Variants in GABRG2 observed in about 807,000 individuals in gnomAD.
GABRG2 encodes gamma-aminobutyric acid receptor subunit gamma-2.
GABRG2 carries 16 observed loss-of-function variants against 56.4 expected under a neutral mutation model. The observed-to-expected ratio is 0.28, with a 90% CI of 0.19 to 0.43. GABRG2 has a LOEUF of 0.43. GABRG2 is among the 20% of genes least tolerant of loss of function. The pLI is 1.00. For synonymous variants in GABRG2, 208 were observed against 205.5 expected, an observed-to-expected ratio of 1.01 and a Z score of -0.10; for missense variants, 327 against 582.7, an observed-to-expected ratio of 0.56 and a Z score of 4.52.
In GABRG2 at chr5:162,104,081, T is replaced by C. The variant is rs938404059; in HGVS notation, c.769+55T>C. 3.7e-5 allele frequency: 58 copies of C among 1,575,000 alleles called. No individual in the cohort carries two copies. The East Asian group carries it at 4.3e-4, about 12-fold the overall frequency. ...GACCCTTCCAGAGTTGAAATTTTGGTATATATGAATTAGAAGATTTTTCAA... is the reference window on the plus strand; with the variant it reads ...GACCCTTCCAGAGTTGAAATTTTGGCATATATGAATTAGAAGATTTTTCAA... On this transcript the variant is annotated intron_variant, in intron 6 of 9. Coordinates refer to ENST00000639213, the MANE Select transcript of GABRG2 (RefSeq NM_198904.4).
chr5:162,117,868 T>A (rs1162429991), intron 6 of GABRG2, among the ~76,000 whole-genome samples: 1 of 152,134 alleles, frequency 6.6e-6, no homozygotes, highest in Non-Finnish European at 1.5e-5. Context: ...GTGTTGGTAA[T>A]GATATGGTGA....
intron 6 of GABRG2, among the ~76,000 whole-genome samples, chr5:162,121,622 T>C (rs1762984515): frequency 6.6e-6 from 1 of 152,126 alleles, no homozygotes. Context: ...AGAAGGTTTC[T>C]CCTTTATAAG....
intron 6 of GABRG2, among the ~76,000 whole-genome samples, chr5:162,114,809 G>T (rs548177126): frequency 6.6e-6 from 1 of 152,242 alleles, no homozygotes; most frequent in African/African-American, 2.4e-5. Context: ...ATGGAAGATG[G>T]ATTTTGAATA....
intron 1 of GABRG2, among the ~76,000 whole-genome samples, chr5:162,072,405 T>A (rs1295827468): frequency 6.6e-6 from 1 of 152,016 alleles, no homozygotes; most frequent in African/African-American, 2.4e-5. Context: ...ATTAAGAAGA[T>A]TGAATTATAA....
At chr5:162,108,703 G>T (rs1762009640) in intron 6 of GABRG2, among the ~76,000 whole-genome samples, 1 of 152,050 alleles carries the variant, frequency 6.6e-6, no homozygotes, top group Non-Finnish European at 1.5e-5. Flanking sequence ...TATCAACAGG[G>T]TTGCTCCAAG....
At position 162,137,969 on chromosome 5, in the gene GABRG2, AGGCTGGTGTTGAACTCCTG is replaced by A. The variant is rs1228194188; in HGVS notation, c.770-4193_770-4175del. On this transcript the variant is annotated intron_variant, in intron 6 of 9. Transcript: ENST00000639213. ...GTGATAGATTTTCACTACGTTGCCC[AGGCTGGTGTTGAACTCCTG>A]GACTCAAGCAATCCATGTACCTTGT... Among the ~76,000 whole-genome samples, 3 of 150,828 alleles carry A rather than the reference AGGCTGGTGTTGAACTCCTG, an allele frequency of 2.0e-5. 1 individual carries two copies. The highest frequency in any genetic ancestry group is 6.6e-5 in the Admixed American group (1 of 15,080).
Position 162,128,010 on chromosome 5 carries a change from G to A in GABRG2, c.770-14154G>A, listed in dbSNP as rs561008324. On this transcript the variant is annotated intron_variant, in intron 6 of 9. Coordinates refer to ENST00000639213, the MANE Select transcript of GABRG2 (RefSeq NM_198904.4). ...TGGAAAGCAAGGCTTTGGTCACATG[G>A]GACAGAGAGTATCAAGAGACCATTT... 1.1e-3 allele frequency among the ~76,000 whole-genome samples: 169 copies of A among 152,014 alleles called. 1 individual carries two copies. Among genetic ancestry groups the A allele is most frequent in the African/African-American group, 4.0e-3 (164 of 41,508 alleles).
chr5:162,109,192 T>C (rs1453921286), intron 6 of GABRG2, among the ~76,000 whole-genome samples: 9 of 151,168 alleles, frequency 6.0e-5, no homozygotes, highest in Admixed American at 1.3e-4. Flanking sequence ...AATTGAACAA[T>C]GAGAACACTT....
intron 6 of GABRG2, among the ~76,000 whole-genome samples, chr5:162,111,145 T>G (rs1762223873): frequency 6.6e-6 from 1 of 152,174 alleles, no homozygotes. Flanking sequence ...TGTTTTTCCT[T>G]GATCAAGTTT....
chr5:162,099,548 G>A (rs1381689573), intron 4 of GABRG2: 2 of 152,176 alleles, frequency 1.3e-5, no homozygotes, highest in Admixed American at 1.3e-4. Context: ...GGGATTATAG[G>A]CGACAGCCAT....
chr5:162,071,894 G>T (rs532825214), intron 1 of GABRG2, among the ~76,000 whole-genome samples: 1 of 151,150 alleles, frequency 6.6e-6, no homozygotes, highest in African/African-American at 2.4e-5. Flanking sequence ...AAATTCAAAA[G>T]GTTACCCTGA....
intron 1 of GABRG2, among the ~76,000 whole-genome samples, chr5:162,092,950 G>A (rs760082694): frequency 7.2e-5 from 11 of 152,164 alleles, no homozygotes; most frequent in South Asian, 2.1e-4. Context: ...TCATCTTGGC[G>A]GGGTTGCCTT....
At chr5:162,089,930 C>T (rs1309637468) in intron 1 of GABRG2, among the ~76,000 whole-genome samples, 3 of 152,092 alleles carry the variant, frequency 2.0e-5, no homozygotes, top group Non-Finnish European at 2.9e-5. Flanking sequence ...CTAATCTTCA[C>T]AATGGCAAAT....
At chr5:162,106,522 T>C (rs1203703424) in intron 6 of GABRG2, among the ~76,000 whole-genome samples, 1 of 152,222 alleles carries the variant, frequency 6.6e-6, no homozygotes, top group Admixed American at 6.5e-5. Flanking sequence ...GCTATTCTTA[T>C]CTTCAAAGCA....
In GABRG2 at chr5:162,154,839, ATGAATG is replaced by A. The variant is rs1190748628; in HGVS notation, c.*1472_*1477del. The A allele has an allele frequency of 6.6e-6, 1 of 152,066 alleles. No homozygotes were observed. Among genetic ancestry groups the A allele is most frequent in the Non-Finnish European group, 1.5e-5 (1 of 68,020 alleles). The allele number at this position is 152,066 out of a possible 1,614,324, so 9.4% of individuals were successfully genotyped here. On this transcript the variant is annotated 3_prime_UTR_variant, in exon 10 of 10. Transcript: ENST00000639213. ...AGCTTTTAAAAACTGAAAAAAAAAA[ATGAATG>A]ACTCACATAGAGGTTGAGCCAATGA... is the stretch of plus-strand genomic sequence containing the variant.
chr5:162,142,390 A>G (rs1404030287), intron 7 of GABRG2, 74 bp downstream of exon 7: 6 of 1,451,172 alleles, frequency 4.1e-6, no homozygotes, highest in Non-Finnish European at 5.8e-6. Flanking sequence ...GTCCATTTCT[A>G]TGTTGATCTG....
chr5:162,120,487 A>C (rs1185693080), intron 6 of GABRG2, among the ~76,000 whole-genome samples: 1 of 152,146 alleles, frequency 6.6e-6, no homozygotes, highest in South Asian at 2.1e-4. Flanking sequence ...GAGATATTAG[A>C]GAGTTGCAGT....
chr5:162,116,110 A>ATG (rs34083256), intron 6 of GABRG2, among the ~76,000 whole-genome samples: 6,395 of 127,044 alleles, frequency 0.05, 203 homozygotes, highest in African/African-American at 0.095. Context: ...GTGTGCGTGC[A>ATG]TGTGTGTGTG....
At chr5:162,077,151 A>G (rs1463656435) in intron 1 of GABRG2, among the ~76,000 whole-genome samples, 2 of 149,014 alleles carry the variant, frequency 1.3e-5, no homozygotes, top group African/African-American at 5.0e-5. Flanking sequence ...GTGCTTCTTT[A>G]ATAATCATCA....
Sources: gnomAD v4.1 joint callset for allele counts (sites outside exome capture counted in the v4.1 genomes callset) on GRCh38, gnomAD v4.1.1 for gene constraint, MANE v1.5 for transcripts, NCBI Gene and HGNC (gene_info 2026-07-23, HGNC 2026-07-21) for gene names.